Variants in SCP2 observed in about 807,000 individuals in gnomAD.
The protein encoded by SCP2 is sterol carrier protein 2.
A neutral mutation model predicts 71.4 loss-of-function variants in SCP2; 48 were observed. The observed-to-expected ratio is 0.67, with a 90% CI of 0.53 to 0.86. The LOEUF (loss-of-function observed/expected upper bound fraction) is 0.86, where lower values mean the gene tolerates loss of function less well. Ranked by LOEUF, SCP2 falls within the 40% of genes least tolerant of loss-of-function variation. SCP2 has a pLI of 0.00. For synonymous variants in SCP2, 220 were observed against 218.1 expected (o/e 1.01, Z -0.08); for missense variants, 560 against 655.6 (o/e 0.85, Z 1.59).
At position 52,942,122 on chromosome 1, in the gene SCP2, G is replaced by A. The variant is rs547113515; in HGVS notation, c.127+269G>A. Among the ~76,000 whole-genome samples the A allele has an allele frequency of 6.6e-5, 10 of 152,318 alleles. No individual in the cohort carries two copies. In the South Asian group the frequency reaches 1.9e-3, roughly 28 times the overall value. ...AAGGGATCTGTGGGAGAGAGAGGTA[G>A]GGTCATTAAAAGGGATAACATCATT... On this transcript the variant is annotated intron_variant, in intron 2 of 15. Coordinates refer to ENST00000371514, the MANE Select transcript of SCP2 (RefSeq NM_002979.5).
At chr1:52,951,939 A>C (rs966372141) in intron 4 of SCP2, among the ~76,000 whole-genome samples, 9 of 152,018 alleles carry the variant, frequency 5.9e-5, no homozygotes, top group Admixed American at 2.0e-4. Flanking sequence ...GGCTGGTCTC[A>C]AACTCCTGAC....
chr1:52,975,387 G>A (rs1442742721), intron 7 of SCP2, among the ~76,000 whole-genome samples: 2 of 152,158 alleles, frequency 1.3e-5, no homozygotes, highest in East Asian at 1.9e-4. Flanking sequence ...CACCATCTTG[G>A]CCAGGCTGGT....
intron 2 of SCP2, among the ~76,000 whole-genome samples, chr1:52,945,694 CTG>C (rs1038976627): frequency 6.7e-6 from 1 of 150,326 alleles, no homozygotes; most frequent in African/African-American, 2.5e-5. Flanking sequence ...CAGAGTGAGG[CTG>C]TGTCTCAAAA....
chr1:52,966,244 G>GATAT (rs1298055183), intron 6 of SCP2, among the ~76,000 whole-genome samples: 3 of 151,672 alleles, frequency 2.0e-5, no homozygotes, highest in Non-Finnish European at 4.4e-5. Context: ...TAAGCACATA[G>GATAT]ATATATCTAT....
chr1:52,970,527 C>G (rs1657373059), intron 6 of SCP2, among the ~76,000 whole-genome samples: 1 of 151,990 alleles, frequency 6.6e-6, no homozygotes, highest in Admixed American at 6.6e-5. Context: ...GGACCTTGCC[C>G]TTTCATTTTG....
intron 11 of SCP2, among the ~76,000 whole-genome samples, chr1:53,013,446 A>AAAAAAAT (rs1254410578): frequency 2.0e-4 from 22 of 109,944 alleles, no homozygotes; most frequent in South Asian, 3.0e-4. Flanking sequence ...AAAAAAAAAA[A>AAAAAAAT]TAGCTGGGAG....
At chr1:52,975,262 C>A (rs1183344830) in intron 7 of SCP2, among the ~76,000 whole-genome samples, 3 of 152,042 alleles carry the variant, frequency 2.0e-5, no homozygotes, top group Non-Finnish European at 2.9e-5. Context: ...CTCACTGCAA[C>A]CTCTGTGCCC....
intron 6 of SCP2, among the ~76,000 whole-genome samples, 163 bp from the exon 7 acceptor site, chr1:52,974,606 T>C (rs1231668481): frequency 6.6e-6 from 1 of 152,236 alleles, no homozygotes; most frequent in Non-Finnish European, 1.5e-5. Context: ...TAATTATAAA[T>C]AAAAATTTTT....
intron 4 of SCP2, among the ~76,000 whole-genome samples, chr1:52,952,394 A>G (rs1655397798): frequency 6.6e-6 from 1 of 152,158 alleles, no homozygotes; most frequent in Non-Finnish European, 1.5e-5. Flanking sequence ...CAAGAAAAAT[A>G]AAAAATAAAA....
At chr1:52,976,581 G>GA in intron 7 of SCP2, 102 bp from the exon 8 acceptor site, 1 of 738,890 alleles carries the variant, frequency 1.4e-6, no homozygotes, top group South Asian at 1.5e-5. Context: ...TCTGTCTTCT[G>GA]GTTGTGAAAA....
chr1:53,042,488 A>G (rs1472086443), intron 14 of SCP2, among the ~76,000 whole-genome samples: 2 of 152,206 alleles, frequency 1.3e-5, no homozygotes, highest in Admixed American at 6.5e-5. Context: ...TGTTCTTCCC[A>G]CATTAGGTGC....
intron 8 of SCP2, 137 bp downstream of exon 8, chr1:52,976,906 G>T: frequency 1.5e-6 from 1 of 650,216 alleles, no homozygotes; most frequent in South Asian, 1.8e-5. Context: ...CCCACTCTGG[G>T]TCACTTCACT....
chr1:53,036,410 G>A (rs1374396251), intron 13 of SCP2, among the ~76,000 whole-genome samples: 1 of 150,118 alleles, frequency 6.7e-6, no homozygotes, highest in African/African-American at 2.4e-5. Flanking sequence ...TTATTTAAGG[G>A]TAAATCCCTA....
At chr1:52,954,851 A>C (rs1184534105) in intron 5 of SCP2, 47 bp downstream of exon 5, 1 of 1,349,122 alleles carries the variant, frequency 7.4e-7, no homozygotes, top group Non-Finnish European at 1.1e-6. Context: ...ATATAACCCA[A>C]AAGTTGAAAG....
intron 6 of SCP2, among the ~76,000 whole-genome samples, chr1:52,964,144 A>G (rs976773263): frequency 6.6e-6 from 1 of 151,660 alleles, no homozygotes; most frequent in African/African-American, 2.4e-5. Context: ...ATGTGGCCAG[A>G]TTATAATTTG....
rs113374802 is a variant in SCP2 at position 52,943,907 on chromosome 1, G to A, written c.127+2054G>A. The A allele has an allele frequency of 7.2e-3, 3,092 of 429,748 alleles. 53 individuals are homozygous for A. Among genetic ancestry groups the A allele is most frequent in the African/African-American group, 0.056 (2,705 of 48,064 alleles). The allele number at this position is 429,748 out of a possible 1,614,324, so 26.6% of individuals were successfully genotyped here. A position where few individuals can be genotyped will look rare whatever the true frequency, so the allele number is the denominator to read the frequency against. On this transcript the variant is annotated intron_variant, in intron 2 of 15. Coordinates refer to ENST00000371514, the MANE Select transcript of SCP2 (RefSeq NM_002979.5). ...GGATGCTTTACCAGTGGTTCATTTC[G>A]GGCAGTCAGCTTTGTACTAGCCATG...
intron 1 of SCP2, among the ~76,000 whole-genome samples, chr1:52,940,158 A>T (rs1422778143): frequency 6.6e-6 from 1 of 152,120 alleles, no homozygotes; most frequent in African/African-American, 2.4e-5. Flanking sequence ...TAATTGCAGC[A>T]CTTTGGAAGC....
intron 13 of SCP2, among the ~76,000 whole-genome samples, chr1:53,029,855 C>G (rs1662402924): frequency 6.6e-6 from 1 of 151,690 alleles, no homozygotes; most frequent in Non-Finnish European, 1.5e-5. Context: ...TTTCTTTTGA[C>G]ATTATGTTCC....
intron 9 of SCP2, 39 bp downstream of exon 9, chr1:52,978,406 A>G: frequency 6.7e-7 from 1 of 1,502,798 alleles, no homozygotes; most frequent in East Asian, 2.3e-5. Flanking sequence ...TATTTTTAAG[A>G]TGGAGTCTCA....
Sources: gnomAD v4.1 joint callset for allele counts (sites outside exome capture counted in the v4.1 genomes callset) on GRCh38, gnomAD v4.1.1 for gene constraint, MANE v1.5 for transcripts, NCBI Gene and HGNC (gene_info 2026-07-23, HGNC 2026-07-21) for gene names.